Variants in LAMA2 observed in about 807,000 individuals in gnomAD.
LAMA2 encodes the protein laminin subunit alpha 2.
In LAMA2, 269 loss-of-function variants were observed where a neutral mutation model predicts 364.8. The ratio of observed to expected loss-of-function variants is 0.74; its 90% CI spans 0.67 to 0.82. The LOEUF (loss-of-function observed/expected upper bound fraction) is 0.82. Among genes scored for constraint, LAMA2 ranks in the 40% least tolerant of loss-of-function variants. The probability of loss-of-function intolerance (pLI) is 0.00; values close to 1 mark genes in which losing one functional copy is unlikely to be tolerated. For missense variants in LAMA2, 3,807 were observed against 3,873.2 expected (o/e 0.98, Z 0.45); for synonymous variants, 1,379 against 1,370.6 (o/e 1.01, Z -0.14).
chr6:129,454,212 G>A lies in LAMA2; in HGVS notation c.6631G>A (p.Gly2211Arg). The change falls in exon 47 of 65, where the codon GGA becomes AGA. Residue 2211 changes from glycine to arginine, a missense_variant. Coordinates refer to ENST00000421865, the MANE Select transcript of LAMA2 (RefSeq NM_000426.4). ...CAAAGTCAGCTTCCTCTGGGATGTT[G>A]GATCTGGAGTTGGACGTGTAGAGTA... Reference protein sequence around the residue: ...KGKVSFLWDVGSGVGRVEYPD... With the variant: ...KGKVSFLWDVRSGVGRVEYPD... 1 of 1,612,010 alleles carries A rather than the reference G, an allele frequency of 6.2e-7. No individual in the cohort carries two copies. The highest frequency in any genetic ancestry group is 8.5e-7 in the Non-Finnish European group (1 of 1,178,292).
chr6:129,487,852 C>T (rs2784905), intron 56 of LAMA2, among the ~76,000 whole-genome samples: 52,545 of 151,942 alleles, frequency 0.35, 10,274 homozygotes, highest in African/African-American at 0.54. Flanking sequence ...ACTAATCTAA[C>T]AGCCAGATAT....
At chr6:129,450,318 G>C (rs1425283386) in intron 45 of LAMA2, among the ~76,000 whole-genome samples, 5 of 151,180 alleles carry the variant, frequency 3.3e-5, no homozygotes, top group Admixed American at 1.3e-4. Context: ...GTTTTGTTTT[G>C]TTTTGTTTTG....
rs544529766 is a variant in LAMA2, at chr6:129,104,508, G to A, written c.639+6093G>A. On this transcript the variant is annotated intron_variant, in intron 4 of 64. Coordinates refer to ENST00000421865, the MANE Select transcript of LAMA2 (RefSeq NM_000426.4). Reference sequence around the variant, plus strand: ...TGTCTAAAGAATTTTTGAGACATGTGCCAAAATCTTTAGAACATTAGAGCT... The same window carrying A: ...TGTCTAAAGAATTTTTGAGACATGTACCAAAATCTTTAGAACATTAGAGCT... 3.2e-3 allele frequency among the ~76,000 whole-genome samples: 494 copies of A among 152,186 alleles called. 3 individuals carry two copies. The highest frequency in any genetic ancestry group is 4.7e-3 in the Non-Finnish European group (322 of 68,006).
intron 3 of LAMA2, among the ~76,000 whole-genome samples, chr6:129,093,090 C>A (rs1455520130): frequency 1.3e-5 from 2 of 151,944 alleles, no homozygotes; most frequent in Non-Finnish European, 2.9e-5. Flanking sequence ...TCAAGCGATT[C>A]TCCTGCCTCA....
At chr6:129,170,163 T>G (rs1780040326) in intron 9 of LAMA2, among the ~76,000 whole-genome samples, 1 of 149,898 alleles carries the variant, frequency 6.7e-6, no homozygotes, top group African/African-American at 2.5e-5. Context: ...TCTATTTCCT[T>G]CAGTTCTGCT....
intron 29 of LAMA2, among the ~76,000 whole-genome samples, chr6:129,340,830 C>CAAAAAAAAAAAAAAAAAAAAAAGAAAAA (rs1776223308): frequency 1.7e-5 from 1 of 59,586 alleles, no homozygotes; most frequent in Non-Finnish European, 3.6e-5. Context: ...AGCTCTGTCT[C>CAAAAAAAAAAAAAAAAAAAAAAGAAAAA]AAAAAAAAAA....
At chr6:129,470,633 TA>T (rs1472600261) in intron 51 of LAMA2, among the ~76,000 whole-genome samples, 2 of 151,876 alleles carry the variant, frequency 1.3e-5, no homozygotes, top group Non-Finnish European at 1.5e-5. Flanking sequence ...CAGCATTAAA[TA>T]TTGCACAAAC....
intron 22 of LAMA2, among the ~76,000 whole-genome samples, chr6:129,308,368 G>A (rs866568642): frequency 3.3e-5 from 5 of 152,098 alleles, no homozygotes; most frequent in East Asian, 1.9e-4. Flanking sequence ...CAAGAGTTCC[G>A]TTTTATCCAC....
chr6:129,391,228 T>A (rs1779299688), intron 35 of LAMA2, among the ~76,000 whole-genome samples: 9 of 151,908 alleles, frequency 5.9e-5, no homozygotes, highest in Admixed American at 5.9e-4. Context: ...ACTTCTTTAT[T>A]TTAATTCTTT....
chr6:129,175,974 T>G lies in LAMA2; in HGVS notation c.1307-1732T>G, dbSNP rs75729345. Among the ~76,000 whole-genome samples, 652 of 152,240 alleles carry G rather than the reference T, an allele frequency of 4.3e-3. 5 individuals carry two copies. Among genetic ancestry groups the G allele is most frequent in the African/African-American group, 0.015 (618 of 41,572 alleles). On this transcript the variant is annotated intron_variant, in intron 9 of 64. Transcript: ENST00000421865. ...TTTCTTTTTTTCAAATCTCTTTACTTCCTGTGGTGTTTATATTTTCTCTTT... is the reference window on the plus strand; with the variant it reads ...TTTCTTTTTTTCAAATCTCTTTACTGCCTGTGGTGTTTATATTTTCTCTTT...
chr6:129,413,669 A>G (rs1583691399), intron 40 of LAMA2, among the ~76,000 whole-genome samples: 1 of 152,314 alleles, frequency 6.6e-6, no homozygotes, highest in South Asian at 2.1e-4. Flanking sequence ...AAAGTAATCC[A>G]TGGCTTGAGA....
At chr6:129,173,064 C>T (rs1054798020) in intron 9 of LAMA2, among the ~76,000 whole-genome samples, 8 of 152,174 alleles carry the variant, frequency 5.3e-5, no homozygotes, top group African/African-American at 1.4e-4. Context: ...TGACCTGCGC[C>T]CACTGTCTGG....
chr6:129,487,886 A>C (rs905760971), intron 56 of LAMA2, among the ~76,000 whole-genome samples: 7 of 152,198 alleles, frequency 4.6e-5, no homozygotes, highest in Non-Finnish European at 7.3e-5. Context: ...TCTGAGGAGA[A>C]ATGCAAACTG....
chr6:129,503,458 A>G (rs1240848766), intron 60 of LAMA2, among the ~76,000 whole-genome samples, 178 bp downstream of exon 60: 1 of 152,210 alleles, frequency 6.6e-6, no homozygotes, highest in Non-Finnish European at 1.5e-5. Context: ...AGACCTGTGT[A>G]GGTTTGCATT....
intron 62 of LAMA2, among the ~76,000 whole-genome samples, chr6:129,508,632 G>A (rs573356801): frequency 6.6e-6 from 1 of 152,198 alleles, no homozygotes; most frequent in South Asian, 2.1e-4. Flanking sequence ...TTGCCTTTGT[G>A]TGCCTGGCTT....
chr6:128,975,487 A>G (rs973343439), intron 1 of LAMA2, among the ~76,000 whole-genome samples: 7 of 152,146 alleles, frequency 4.6e-5, no homozygotes, highest in African/African-American at 1.7e-4. Context: ...AATGCTTGGA[A>G]TATAAAGTGT....
chr6:129,171,732 A>G (rs1362638254), intron 9 of LAMA2, among the ~76,000 whole-genome samples: 1 of 124,548 alleles, frequency 8.0e-6, no homozygotes. Context: ...GCCTTGCTAG[A>G]TTGGGGAAGT....
chr6:128,964,519 TC>T (rs1456956118), intron 1 of LAMA2, among the ~76,000 whole-genome samples: 4 of 152,060 alleles, frequency 2.6e-5, no homozygotes, highest in Admixed American at 6.6e-5. Flanking sequence ...GGACAGAATA[TC>T]TACAATGTTT....
intron 1 of LAMA2, among the ~76,000 whole-genome samples, chr6:128,934,627 GAGT>G (rs1311867143): frequency 6.6e-6 from 1 of 151,800 alleles, no homozygotes; most frequent in Non-Finnish European, 1.5e-5. Context: ...TCAGCCTCCT[GAGT>G]AGCTGAGATT....
Sources: gnomAD v4.1 joint callset for allele counts (sites outside exome capture counted in the v4.1 genomes callset) on GRCh38, gnomAD v4.1.1 for gene constraint, MANE v1.5 for transcripts, NCBI Gene and HGNC (gene_info 2026-07-23, HGNC 2026-07-21) for gene names.